GSK3B: variants seen among roughly 807,000 people sequenced by gnomAD.
GSK3B encodes the protein glycogen synthase kinase 3 beta.
Under a neutral mutation model 56.4 loss-of-function variants are expected in GSK3B, and 15 were observed. The observed-to-expected ratio is 0.27, with a 90% confidence interval of 0.18 to 0.41. The LOEUF (loss-of-function observed/expected upper bound fraction) is 0.41, where lower values mean the gene tolerates loss of function less well. Ranked by LOEUF, GSK3B falls within the 10% of genes least tolerant of loss-of-function variation. The pLI is 1.00. For synonymous variants in GSK3B, 181 were observed against 188.9 expected, an observed-to-expected ratio of 0.96 and a Z score of 0.34; for missense variants, 300 against 513.4, an observed-to-expected ratio of 0.58 and a Z score of 4.02.
At chr3:119,949,769 G>A (rs2057136639) in intron 2 of GSK3B, among the ~76,000 whole-genome samples, 1 of 144,458 alleles carries the variant, frequency 6.9e-6, no homozygotes, top group African/African-American at 2.7e-5. Flanking sequence ...CCACAGCACT[G>A]GGCAACAGAG....
intron 1 of GSK3B, among the ~76,000 whole-genome samples, chr3:120,005,330 G>A (rs1170051695): frequency 6.6e-6 from 1 of 152,146 alleles, no homozygotes; most frequent in Non-Finnish European, 1.5e-5. Flanking sequence ...TGGGGAGAAT[G>A]GAATCAAGTT....
chr3:119,965,639 C>A (rs950772174), intron 2 of GSK3B, among the ~76,000 whole-genome samples: 1 of 152,084 alleles, frequency 6.6e-6, no homozygotes, highest in Non-Finnish European at 1.5e-5. Context: ...CCAAATTCAT[C>A]GAAAACACTT....
chr3:119,890,270 T>C (rs1314160900), intron 7 of GSK3B, among the ~76,000 whole-genome samples: 1 of 152,036 alleles, frequency 6.6e-6, no homozygotes, highest in African/African-American at 2.4e-5. Flanking sequence ...AAAGAAATTG[T>C]GGTATACTCA....
At chr3:119,896,127 C>CAA (rs1161729921) in intron 7 of GSK3B, among the ~76,000 whole-genome samples, 10 of 59,000 alleles carry the variant, frequency 1.7e-4, no homozygotes, top group Admixed American at 7.8e-4. Flanking sequence ...GACTCTGTCT[C>CAA]AAAAAAAAAA....
rs201470464 is a variant in GSK3B, at chr3:119,940,306, A to G, written c.366+6962T>C. ...GGCCAGACACATGAACAGCAGAGTC[A>G]CCATTCATACTCAAATTGATTCTTT... On this transcript the variant is annotated intron_variant, in intron 3 of 10. Coordinates refer to ENST00000264235, the MANE Select transcript of GSK3B (RefSeq NM_001146156.2). Among the ~76,000 whole-genome samples the G allele has an allele frequency of 4.6e-5, 7 of 152,234 alleles. 1 individual carries two copies. The East Asian group carries it at 7.7e-4, about 17-fold the overall frequency.
At chr3:120,017,501 T>G (rs1264014310) in intron 1 of GSK3B, among the ~76,000 whole-genome samples, 1 of 152,226 alleles carries the variant, frequency 6.6e-6, no homozygotes, top group Admixed American at 6.5e-5. Flanking sequence ...TATCCAACCC[T>G]GCCCTCACCT....
chr3:120,032,082 T>G (rs1322472040), intron 1 of GSK3B, among the ~76,000 whole-genome samples: 1 of 152,234 alleles, frequency 6.6e-6, no homozygotes, highest in Non-Finnish European at 1.5e-5. Context: ...GGCCTTAATT[T>G]TTTTTGAAGG....
At chr3:119,977,329 CTGCTGA>C (rs2057417551) in intron 2 of GSK3B, among the ~76,000 whole-genome samples, 1 of 152,194 alleles carries the variant, frequency 6.6e-6, no homozygotes, top group African/African-American at 2.4e-5. Flanking sequence ...ATGGTCCCAA[CTGCTGA>C]CCTATCAAAT....
intron 7 of GSK3B, among the ~76,000 whole-genome samples, chr3:119,903,304 C>T (rs1039855163): frequency 1.3e-5 from 2 of 152,220 alleles, no homozygotes; most frequent in East Asian, 1.9e-4. Context: ...TTACAGTTCT[C>T]TTATCTTATA....
intron 7 of GSK3B, among the ~76,000 whole-genome samples, chr3:119,893,439 TTC>T (rs569659280): frequency 6.2e-4 from 94 of 152,238 alleles, no homozygotes; most frequent in African/African-American, 2.1e-3. Context: ...GGTGCAATAT[TTC>T]TCTCTCAGGG....
intron 8 of GSK3B, among the ~76,000 whole-genome samples, chr3:119,868,615 A>C (rs1164844407): frequency 6.6e-6 from 1 of 152,246 alleles, no homozygotes; most frequent in Non-Finnish European, 1.5e-5. Context: ...TTATGTAGCC[A>C]ATCAGAGCAA....
chr3:119,942,195 A>G (rs2057055548), intron 3 of GSK3B, among the ~76,000 whole-genome samples: 1 of 152,234 alleles, frequency 6.6e-6, no homozygotes. Context: ...AAGGAAAAAA[A>G]CTTTTAAATG....
chr3:119,905,198 T>G (rs868441233), intron 7 of GSK3B, among the ~76,000 whole-genome samples: 10 of 151,488 alleles, frequency 6.6e-5, no homozygotes, highest in South Asian at 2.1e-4. Flanking sequence ...TAAATAAAAT[T>G]TAAAATAAAT....
intron 2 of GSK3B, among the ~76,000 whole-genome samples, chr3:119,971,394 A>G (rs894642266): frequency 6.6e-6 from 1 of 152,116 alleles, no homozygotes; most frequent in Non-Finnish European, 1.5e-5. Flanking sequence ...TTTATACCAT[A>G]AACATTTACT....
intron 2 of GSK3B, among the ~76,000 whole-genome samples, chr3:119,967,226 T>C (rs1455937924): frequency 1.3e-5 from 2 of 152,078 alleles, no homozygotes; most frequent in Non-Finnish European, 2.9e-5. Flanking sequence ...TACAGGCGTG[T>C]GCCACCATGC....
intron 2 of GSK3B, among the ~76,000 whole-genome samples, chr3:119,970,149 T>A (rs949004628): frequency 1.3e-5 from 2 of 152,210 alleles, no homozygotes; most frequent in Admixed American, 1.3e-4. Context: ...ACTATAGGTA[T>A]GTATGTATAC....
At chr3:120,020,119 G>T (rs1043048502) in intron 1 of GSK3B, among the ~76,000 whole-genome samples, 1 of 152,144 alleles carries the variant, frequency 6.6e-6, no homozygotes, top group Admixed American at 6.5e-5. Context: ...CGAAGATAGA[G>T]TACCTCCAAA....
chr3:119,892,716 AG>A (rs1469788911), intron 7 of GSK3B, among the ~76,000 whole-genome samples: 20 of 152,190 alleles, frequency 1.3e-4, no homozygotes, highest in Admixed American at 1.2e-3. Flanking sequence ...CTAGGCTTAT[AG>A]ATAATGAATT....
At position 119,832,856 on chromosome 3, in the gene GSK3B, G is replaced by A. The variant is rs1357915014; in HGVS notation, c.1196-6001C>T. The A allele has an allele frequency of 9.6e-6, 3 of 312,152 alleles. No homozygotes were observed. In the East Asian group the frequency reaches 5.1e-4, roughly 53 times the overall value. The allele number at this position is 312,152 out of a possible 1,614,324, so 19.3% of individuals were successfully genotyped here. On this transcript the variant is annotated intron_variant, in intron 10 of 10. Coordinates refer to ENST00000264235, the MANE Select transcript of GSK3B (RefSeq NM_001146156.2). ...ATCAGGTTCCCAAAAGAGTCCATGAGGCTGTGATTTTTGTCCTGGAGTAAA... is the reference window on the plus strand; with the variant it reads ...ATCAGGTTCCCAAAAGAGTCCATGAAGCTGTGATTTTTGTCCTGGAGTAAA...
Sources: gnomAD v4.1 joint callset for allele counts (sites outside exome capture counted in the v4.1 genomes callset) on GRCh38, gnomAD v4.1.1 for gene constraint, MANE v1.5 for transcripts, NCBI Gene and HGNC (gene_info 2026-07-23, HGNC 2026-07-21) for gene names.